The following PATJ variants were observed in gnomAD, a reference collection of about 807,000 sequenced individuals.
PATJ encodes inaD-like protein.
PATJ carries 190 observed loss-of-function variants against 224.9 expected under a neutral mutation model. The ratio of observed to expected loss-of-function variants is 0.84; its 90% CI spans 0.75 to 0.95. The LOEUF (loss-of-function observed/expected upper bound fraction) is 0.95. PATJ is among the 40% of genes least tolerant of loss of function. The pLI, the probability that PATJ is intolerant of heterozygous loss-of-function variation, is 0.00. For missense variants in PATJ, 2,121 were observed against 2,270.3 expected (o/e 0.93, Z 1.34); for synonymous variants, 769 against 820.3 (o/e 0.94, Z 1.07).
chr1:61,769,543 C>T lies in PATJ; in HGVS notation c.524+121C>T, dbSNP rs191282287. The T allele has an allele frequency of 4.2e-4, 479 of 1,141,410 alleles. 1 individual carries two copies. The African/African-American group carries it at 6.5e-3, about 15-fold the overall frequency. 70.7% of individuals were successfully genotyped at this position (1,141,410 alleles called of 1,614,324 possible). ...CAGTAACAGCTAACATTTTTGCTTTCGTTTTTGCTATGCATTTGTCAGGCC... is the reference window on the plus strand; with the variant it reads ...CAGTAACAGCTAACATTTTTGCTTTTGTTTTTGCTATGCATTTGTCAGGCC... On this transcript the variant is annotated intron_variant, in intron 5 of 43. Transcript: ENST00000642238.
intron 27 of PATJ, among the ~76,000 whole-genome samples, chr1:61,987,179 A>C (rs1644808579): frequency 6.6e-6 from 1 of 151,968 alleles, no homozygotes; most frequent in Non-Finnish European, 1.5e-5. Flanking sequence ...GTTAATTTAT[A>C]ATTTTTTTGT....
intron 26 of PATJ, among the ~76,000 whole-genome samples, chr1:61,919,679 T>TTTTG (rs529874145): frequency 2.0e-5 from 3 of 152,166 alleles, no homozygotes; most frequent in South Asian, 4.1e-4. Context: ...ACTAAGGGTT[T>TTTTG]TTTGTTTGTT....
intron 17 of PATJ, among the ~76,000 whole-genome samples, chr1:61,848,206 C>T (rs770364582): frequency 3.3e-5 from 5 of 152,146 alleles, no homozygotes; most frequent in Admixed American, 1.3e-4. Flanking sequence ...CTCAGAGAAA[C>T]GAAGACACTC....
At chr1:62,155,780 G>A (rs1405801397) in intron 43 of PATJ, among the ~76,000 whole-genome samples, 1 of 151,768 alleles carries the variant, frequency 6.6e-6, no homozygotes, top group Non-Finnish European at 1.5e-5. Flanking sequence ...ATTCCAGGCC[G>A]GGTGCGGTGG....
intron 33 of PATJ, among the ~76,000 whole-genome samples, chr1:62,094,288 G>A (rs1036576300): frequency 5.3e-5 from 8 of 152,150 alleles, no homozygotes; most frequent in Non-Finnish European, 1.0e-4. Context: ...CCAGCTACTT[G>A]AGAGGCTAAG....
intron 30 of PATJ, among the ~76,000 whole-genome samples, chr1:62,046,298 A>G (rs113800201): frequency 6.6e-6 from 1 of 152,330 alleles, no homozygotes; most frequent in African/African-American, 2.4e-5. Context: ...TCATTTTAGC[A>G]TAAACATTAC....
intron 12 of PATJ, among the ~76,000 whole-genome samples, chr1:61,804,134 T>C (rs547559613): frequency 6.6e-6 from 1 of 152,286 alleles, no homozygotes; most frequent in African/African-American, 2.4e-5. Context: ...TGTTTACCAG[T>C]TAAGAAATTA....
intron 17 of PATJ, among the ~76,000 whole-genome samples, chr1:61,845,663 A>G (rs12410306): frequency 0.063 from 9,517 of 152,146 alleles, 399 homozygotes; most frequent in South Asian, 0.14. Context: ...TTATTTCTAC[A>G]TATTGTGTGC....
chr1:62,160,042 G>A (rs1669698223), intron 43 of PATJ, among the ~76,000 whole-genome samples: 1 of 152,026 alleles, frequency 6.6e-6, no homozygotes, highest in South Asian at 2.1e-4. Context: ...GTTGCCCACT[G>A]AAGTTTGACC....
intron 29 of PATJ, among the ~76,000 whole-genome samples, chr1:62,019,094 A>C (rs1646934288): frequency 6.6e-6 from 1 of 151,998 alleles, no homozygotes; most frequent in African/African-American, 2.4e-5. Context: ...AAATACAAAA[A>C]ATTAGCCAGG....
intron 27 of PATJ, among the ~76,000 whole-genome samples, chr1:61,963,426 C>T (rs1038110481): frequency 1.3e-5 from 2 of 151,852 alleles, no homozygotes; most frequent in African/African-American, 4.8e-5. Context: ...GAAACCCTGT[C>T]TCTACTAAAA....
intron 27 of PATJ, among the ~76,000 whole-genome samples, chr1:61,966,011 C>T (rs185792035): frequency 3.3e-5 from 5 of 152,348 alleles, no homozygotes; most frequent in African/African-American, 1.2e-4. Context: ...AAGGGATTCT[C>T]TTGCCTCAGC....
rs138974555 is a variant in PATJ at position 61,938,948 on chromosome 1, G to A, written c.3670+11119G>A. On this transcript the variant is annotated intron_variant, in intron 27 of 43. Transcript: ENST00000642238. ...ATCATGTAATTCTTGGTGAAACACCGTCTCTACTAAATATACAAAAAAAAA... is the reference window on the plus strand; with the variant it reads ...ATCATGTAATTCTTGGTGAAACACCATCTCTACTAAATATACAAAAAAAAA... Among the ~76,000 whole-genome samples the A allele has an allele frequency of 8.4e-3, 1,267 of 151,112 alleles. 16 individuals carry two copies. Among genetic ancestry groups the A allele is most frequent in the African/African-American group, 0.029 (1,201 of 41,222 alleles).
chr1:61,772,786 C>T (rs1646693419), intron 6 of PATJ, among the ~76,000 whole-genome samples: 1 of 152,160 alleles, frequency 6.6e-6, no homozygotes. Flanking sequence ...AGTGGTGTCA[C>T]ACCAGGCAGA....
intron 29 of PATJ, among the ~76,000 whole-genome samples, chr1:62,024,413 C>T (rs933946426): frequency 1.3e-5 from 2 of 152,114 alleles, no homozygotes; most frequent in Middle Eastern, 3.4e-3. Flanking sequence ...TTTACTCTTT[C>T]GTGGGCAGAA....
intron 27 of PATJ, among the ~76,000 whole-genome samples, chr1:61,953,963 C>T (rs1185022282): frequency 6.6e-6 from 1 of 152,136 alleles, no homozygotes; most frequent in Non-Finnish European, 1.5e-5. Context: ...GAAAGTGAGT[C>T]AAGTATATCT....
intron 1 of PATJ, among the ~76,000 whole-genome samples, chr1:61,761,939 C>T (rs552326323): frequency 9.9e-5 from 15 of 152,174 alleles, no homozygotes; most frequent in African/African-American, 3.6e-4. Flanking sequence ...CCTCCTGCCT[C>T]GGCCTCCCAA....
intron 7 of PATJ, among the ~76,000 whole-genome samples, chr1:61,775,585 A>G (rs1036970287): frequency 6.6e-6 from 1 of 151,984 alleles, no homozygotes; most frequent in South Asian, 2.1e-4. Flanking sequence ...TCAGAGGACA[A>G]TTTTTTTTAT....
intron 27 of PATJ, among the ~76,000 whole-genome samples, chr1:61,963,568 C>T (rs1212518804): frequency 6.6e-6 from 1 of 152,036 alleles, no homozygotes; most frequent in South Asian, 2.1e-4. Flanking sequence ...TGCACTCCAG[C>T]CTGGGAGACA....
Sources: allele counts gnomAD v4.1 joint callset (sites outside exome capture counted in the v4.1 genomes callset), GRCh38; gene constraint gnomAD v4.1.1; transcripts MANE v1.5; gene names NCBI Gene and HGNC (gene_info 2026-07-23, HGNC 2026-07-21).